ACO2: variants seen among roughly 807,000 people sequenced by gnomAD.
ACO2 encodes the protein aconitase 2.
Under a neutral mutation model 84.5 loss-of-function variants are expected in ACO2, and 31 were observed. The ratio of observed to expected loss-of-function variants is 0.37; its 90% CI spans 0.28 to 0.50. The LOEUF is 0.50. ACO2 is among the 20% of genes least tolerant of loss of function. ACO2 has a pLI of 0.97. For missense variants in ACO2, 685 were observed against 1,029.3 expected (o/e 0.67, Z 4.58); for synonymous variants, 414 against 412.7 (o/e 1.00, Z -0.04).
chr22:41,504,227 C>T (rs2066375181), intron 2 of ACO2, among the ~76,000 whole-genome samples: 1 of 152,112 alleles, frequency 6.6e-6, no homozygotes. Context: ...GAGACTCTGG[C>T]TCAAAAAATA....
chr22:41,495,811 C>T (rs2066309377), intron 1 of ACO2, among the ~76,000 whole-genome samples: 1 of 150,730 alleles, frequency 6.6e-6, no homozygotes, highest in Non-Finnish European at 1.5e-5. Flanking sequence ...CCGTGTTAGC[C>T]AGGACTGTCT....
intron 16 of ACO2, 34 bp downstream of exon 16, chr22:41,527,454 C>CCCATCCCTAGTGATCA: frequency 6.3e-7 from 1 of 1,583,244 alleles, no homozygotes. Flanking sequence ...CCATCCTCAT[C>CCCATCCCTAGTGATCA]CCATCCCTAG....
At chr22:41,522,784 C>T (rs1334482627) in intron 9 of ACO2, 46 bp from the exon 10 acceptor site, 6 of 1,597,682 alleles carry the variant, frequency 3.8e-6, no homozygotes, top group Non-Finnish European at 4.3e-6. Flanking sequence ...GACCTCTGCT[C>T]ACTGTCTCCT....
chr22:41,527,479 C>T (rs934715556), intron 16 of ACO2, 59 bp downstream of exon 16: 11 of 1,550,068 alleles, frequency 7.1e-6, no homozygotes, highest in Non-Finnish European at 7.8e-6. Context: ...CAAGGTCACT[C>T]TCCCTGCCCG....
At chr22:41,502,017 C>T (rs760846419) in intron 2 of ACO2, among the ~76,000 whole-genome samples, 17 of 152,150 alleles carry the variant, frequency 1.1e-4, no homozygotes, top group Admixed American at 4.6e-4. Context: ...CTCTGCCCCC[C>T]ACCATTCTGC....
At chr22:41,502,388 A>G (rs1474568541) in intron 2 of ACO2, among the ~76,000 whole-genome samples, 1 of 152,204 alleles carries the variant, frequency 6.6e-6, no homozygotes, top group Admixed American at 6.5e-5. Context: ...GTGCCTGTCA[A>G]AATGTGAGAA....
rs1171539711 is a variant in ACO2, at chr22:41,521,046, AAAAAAAAAAAAAAG to A, written c.1138+774_1138+787del. ...ACAGAGCCTGCCTCCAAAAAAAAAA[AAAAAAAAAAAAAAG>A]AAAGAAAAGAAAAATTACTTTTTCT... On this transcript the variant is annotated intron_variant, in intron 9 of 17. Transcript: ENST00000216254. Among the ~76,000 whole-genome samples the A allele has an allele frequency of 5.3e-5, 6 of 113,392 alleles. No homozygotes were observed. In the South Asian group the frequency reaches 1.3e-3, roughly 24 times the overall value. The allele number at this position is 113,392 out of a possible 152,430, so 74.4% of individuals were successfully genotyped here. A position where few individuals can be genotyped will look rare whatever the true frequency, so the allele number is the denominator to read the frequency against.
At chr22:41,511,153 C>T (rs1438367658) in intron 3 of ACO2, among the ~76,000 whole-genome samples, 1 of 151,990 alleles carries the variant, frequency 6.6e-6, no homozygotes, top group Admixed American at 6.6e-5. Flanking sequence ...CGCAGGTGCA[C>T]AGCTAATTTT....
chr22:41,487,773 G>A (rs1177863459), intron 1 of ACO2, among the ~76,000 whole-genome samples: 2 of 151,914 alleles, frequency 1.3e-5, no homozygotes, highest in Non-Finnish European at 2.9e-5. Flanking sequence ...CTCTCCACTT[G>A]GGTATCAGAT....
rs940329518 is a variant in ACO2, at chr22:41,508,148, T to C, written c.432+99T>C. ...AAACCAGGGCATTGCCTCCAAATTC[T>C]CACACCTCTTTGGATTGGTCTGCTT... On this transcript the variant is annotated intron_variant, in intron 3 of 17. Coordinates refer to ENST00000216254, the MANE Select transcript of ACO2 (RefSeq NM_001098.3). The C allele has an allele frequency of 2.3e-5, 33 of 1,428,012 alleles. 1 individual carries two copies. The Admixed American group carries it at 6.3e-4, about 27-fold the overall frequency. 88.5% of individuals were successfully genotyped at this position (1,428,012 alleles called of 1,614,324 possible).
intron 1 of ACO2, 141 bp downstream of exon 1, chr22:41,469,323 C>T: frequency 9.8e-7 from 1 of 1,019,004 alleles, no homozygotes; most frequent in Non-Finnish European, 1.4e-6. Flanking sequence ...GCCCGGCACC[C>T]GTGCCCGCTT....
chr22:41,527,771 A>G (rs2066633653), intron 16 of ACO2, 130 bp from the exon 17 acceptor site: 5 of 1,480,492 alleles, frequency 3.4e-6, no homozygotes, highest in East Asian at 4.6e-5. Flanking sequence ...CCAGGGCCCC[A>G]TAGTCACTGC....
intron 1 of ACO2, among the ~76,000 whole-genome samples, chr22:41,484,245 G>A (rs945483247): frequency 4.6e-5 from 7 of 152,170 alleles, no homozygotes; most frequent in Non-Finnish European, 1.0e-4. Flanking sequence ...GGTTGTATTT[G>A]CTCAGAAACT....
rs932922846 is a variant in ACO2 at position 41,477,452 on chromosome 22, C to G, written c.36+8270C>G. ...GGGATTACAGGCGTGAGCCACCGCA[C>G]CCGACCTCTTTAGTTTTATTCTGCA... On this transcript the variant is annotated intron_variant, in intron 1 of 17. Coordinates refer to ENST00000216254, the MANE Select transcript of ACO2 (RefSeq NM_001098.3). Among the ~76,000 whole-genome samples, 12 of 151,928 alleles carry G rather than the reference C, an allele frequency of 7.9e-5. No individual in the cohort carries two copies. In the East Asian group the frequency reaches 2.3e-3, roughly 30 times the overall value.
At chr22:41,524,740 G>A in intron 12 of ACO2, 106 bp from the exon 13 acceptor site, 1 of 1,554,592 alleles carries the variant, frequency 6.4e-7, no homozygotes, top group Non-Finnish European at 8.8e-7. Context: ...GAAGAACATG[G>A]AAATTTCCTG....
intron 1 of ACO2, among the ~76,000 whole-genome samples, chr22:41,493,230 C>T (rs188012325): frequency 6.6e-6 from 1 of 152,330 alleles, no homozygotes; most frequent in Admixed American, 6.5e-5. Context: ...TCAACACTGA[C>T]ATTGGGCATT....
At chr22:41,507,736 C>A in intron 2 of ACO2, 55 bp from the exon 3 acceptor site, 1 of 1,570,262 alleles carries the variant, frequency 6.4e-7, no homozygotes, top group South Asian at 1.2e-5. Flanking sequence ...AGAGGCAGGG[C>A]GGGAGGAGGC....
chr22:41,512,620 G>A (rs1364363958), intron 4 of ACO2, among the ~76,000 whole-genome samples: 1 of 152,162 alleles, frequency 6.6e-6, no homozygotes, highest in African/African-American at 2.4e-5. Flanking sequence ...TGCACGTGGC[G>A]CTCCTCGGAT....
At chr22:41,527,862 A>AG (rs1443515070) in intron 16 of ACO2, 39 bp from the exon 17 acceptor site, 42 of 1,613,882 alleles carry the variant, frequency 2.6e-5, no homozygotes, top group Non-Finnish European at 3.5e-5. Context: ...TCTCCAGGCT[A>AG]GTCAGGCCCC....
Sources: gnomAD v4.1 joint callset for allele counts (sites outside exome capture counted in the v4.1 genomes callset) on GRCh38, gnomAD v4.1.1 for gene constraint, MANE v1.5 for transcripts, NCBI Gene and HGNC (gene_info 2026-07-23, HGNC 2026-07-21) for gene names.